The following REPS2 variants were observed in gnomAD, a reference collection of about 807,000 sequenced individuals.
REPS2 encodes RALBP1 associated Eps domain containing 2, also known as ralBP1-associated Eps domain-containing protein 2.
A neutral mutation model predicts 53.6 loss-of-function variants in REPS2; 23 were observed. That is an observed-to-expected ratio of 0.43 (90% CI 0.31 to 0.61). REPS2 has a LOEUF of 0.61. Ranked by LOEUF, REPS2 falls within the 20% of genes least tolerant of loss-of-function variation. The pLI is 0.11. For missense variants in REPS2, 446 were observed against 534.9 expected (o/e 0.83, Z 1.64); for synonymous variants, 238 against 218.6 (o/e 1.09, Z -0.78).
At chrX:16,965,596 G>A (rs2060750099) in intron 1 of REPS2, among the ~76,000 whole-genome samples, 2 of 111,227 alleles carry the variant, frequency 1.8e-5, no homozygotes, top group Admixed American at 1.9e-4. Context: ...CGGGGTGGCA[G>A]GGCAGAGGTG....
At chrX:17,018,333 C>T (rs2061527214) in intron 2 of REPS2, among the ~76,000 whole-genome samples, 1 of 108,272 alleles carries the variant, frequency 9.2e-6, no homozygotes, top group South Asian at 4.0e-4. Context: ...ATTACAGGCG[C>T]ATGCACCACT....
At chrX:17,079,577 T>C (rs1255728362) in intron 13 of REPS2, among the ~76,000 whole-genome samples, 2 of 112,347 alleles carry the variant, frequency 1.8e-5, no homozygotes, top group Non-Finnish European at 3.8e-5. Flanking sequence ...TATCTCTGTG[T>C]CAATGTGACT....
At chrX:17,084,825 C>T (rs868498873) in intron 13 of REPS2, among the ~76,000 whole-genome samples, 2 of 111,909 alleles carry the variant, frequency 1.8e-5, no homozygotes, top group African/African-American at 3.2e-5. Flanking sequence ...TATTTTCCTT[C>T]GTTCTGTGGG....
rs765188789 is a variant in REPS2 at position 17,035,443 on chromosome X, C to T, written c.771+5820C>T. 4.5e-5 allele frequency among the ~76,000 whole-genome samples: 5 copies of T among 109,986 alleles called. No individual in the cohort carries two copies. In the South Asian group the frequency reaches 2.0e-3, roughly 43 times the overall value. On this transcript the variant is annotated intron_variant, in intron 5 of 17. Transcript: ENST00000357277. ...AAGAAGAGTGAAGCAGGTAAACAAG[C>T]GGGGCATACTGGGTACTGTCTTGGC...
the REPS2 span, among the ~76,000 whole-genome samples, chrX:17,182,182 CT>C: frequency 9.2e-6 from 1 of 109,173 alleles, no homozygotes; most frequent in Non-Finnish European, 1.9e-5. Context: ...ATCTATCTAT[CT>C]ATCTATCATC....
At chrX:17,027,659 GTTTTT>G (rs761592588) in intron 4 of REPS2, among the ~76,000 whole-genome samples, 2 of 67,270 alleles carry the variant, frequency 3.0e-5, no homozygotes, top group Admixed American at 2.1e-4. Context: ...AAATCTTTAG[GTTTTT>G]TTTTTTTTTT....
chrX:17,041,964 T>C (rs937109798), intron 5 of REPS2, among the ~76,000 whole-genome samples: 1 of 112,180 alleles, frequency 8.9e-6, no homozygotes, highest in African/African-American at 3.2e-5. Context: ...TTGAAGTCTT[T>C]CATTATAAAC....
At chrX:17,122,007 C>A (rs2063148065) in intron 14 of REPS2, among the ~76,000 whole-genome samples, 2 of 111,757 alleles carry the variant, frequency 1.8e-5, no homozygotes, top group Admixed American at 1.9e-4. Context: ...ACCTCGGCCT[C>A]CCAAAGTGCT....
At chrX:17,158,091 T>C (rs1265616390), downstream of REPS2, among the ~76,000 whole-genome samples, 1 of 110,636 alleles carries the variant, frequency 9.0e-6, no homozygotes, top group African/African-American at 3.2e-5. Context: ...TAATCCCCTT[T>C]TGTGTTATTT....
chrX:17,053,442 A>G (rs185736534), intron 7 of REPS2, among the ~76,000 whole-genome samples: 3 of 111,198 alleles, frequency 2.7e-5, no homozygotes. Context: ...CAGTGACATG[A>G]TTATAGCTCA....
At chrX:16,951,559 A>ACACCCCC (rs879259718) in intron 1 of REPS2, among the ~76,000 whole-genome samples, 16 of 37,500 alleles carry the variant, frequency 4.3e-4, no homozygotes, top group East Asian at 9.0e-4. Context: ...ACACACACAC[A>ACACCCCC]CCCCCGCTAC....
intron 3 of REPS2, among the ~76,000 whole-genome samples, chrX:17,024,544 T>G (rs956273016): frequency 4.6e-5 from 5 of 108,205 alleles, no homozygotes; most frequent in African/African-American, 1.7e-4. Flanking sequence ...ATGAATTGTT[T>G]TGCAGTCTCT....
chrX:17,003,837 C>T (rs1364630596), intron 1 of REPS2, among the ~76,000 whole-genome samples: 2 of 111,843 alleles, frequency 1.8e-5, no homozygotes, highest in Non-Finnish European at 3.8e-5. Context: ...TCAGCACAGT[C>T]GCCTAATCTT....
At chrX:17,052,210 A>T (rs1304355698) in intron 6 of REPS2, among the ~76,000 whole-genome samples, 172 bp from the exon 7 acceptor site, 1 of 112,503 alleles carries the variant, frequency 8.9e-6, no homozygotes, top group African/African-American at 3.2e-5. Flanking sequence ...TAAAAAAGCT[A>T]TTCATGTGTT....
chrX:17,195,868 A>C, the REPS2 span, among the ~76,000 whole-genome samples: 1 of 112,914 alleles, frequency 8.9e-6, no homozygotes, highest in African/African-American at 3.2e-5. Flanking sequence ...AATAAAAATA[A>C]CTCAATATTT....
At position 17,047,464 on chromosome X, in the gene REPS2, C is replaced by T. The variant is rs765596585; in HGVS notation, c.889C>T (p.Pro297Ser). The T allele has an allele frequency of 8.3e-7, 1 of 1,209,477 alleles. No individual in the cohort carries two copies. The highest frequency in any genetic ancestry group is 2.2e-5 in the Admixed American group (1 of 45,542). ...TCAGTTCCGATCCCTTCAGCCAGAC[C>T]CAAGCTCTTTCATTTCAGGTAAGAA... ...VNQFRSLQPD[P>S]SSFISGSVAK... Residue 297 changes from proline (P) to serine (S), a missense_variant, in exon 6 of 18, where the codon CCA becomes TCA. Transcript: ENST00000357277.
At chrX:17,195,406 T>A in the REPS2 span, among the ~76,000 whole-genome samples, 1 of 112,074 alleles carries the variant, frequency 8.9e-6, no homozygotes, top group Non-Finnish European at 1.9e-5. Context: ...CTGATTAGGG[T>A]AATTCCTAAG....
At chrX:16,954,079 G>A (rs1042001995) in intron 1 of REPS2, among the ~76,000 whole-genome samples, 47 of 110,558 alleles carry the variant, frequency 4.3e-4, no homozygotes, top group African/African-American at 1.5e-3. Flanking sequence ...TCAGGCTCCC[G>A]AGTAGCTGGG....
intron 1 of REPS2, among the ~76,000 whole-genome samples, chrX:16,963,248 A>G (rs2060689073): frequency 8.9e-6 from 1 of 112,407 alleles, no homozygotes; most frequent in Non-Finnish European, 1.9e-5. Context: ...CTAAGGCTCT[A>G]TTGAGCAAAC....
Sources: allele counts gnomAD v4.1 joint callset (sites outside exome capture counted in the v4.1 genomes callset), GRCh38; gene constraint gnomAD v4.1.1; transcripts MANE v1.5; gene names NCBI Gene and HGNC (gene_info 2026-07-23, HGNC 2026-07-21).